Variants in PHKG1 observed in about 807,000 individuals in gnomAD.
PHKG1 encodes the protein phosphorylase b kinase gamma catalytic chain, skeletal muscle/heart isoform.
A neutral mutation model predicts 50.5 loss-of-function variants in PHKG1; 48 were observed. The ratio of observed to expected loss-of-function variants is 0.95; its 90% CI spans 0.75 to 1.21. The LOEUF (loss-of-function observed/expected upper bound fraction) is 1.21, where lower values mean the gene tolerates loss of function less well. PHKG1 is among the 50% of genes most tolerant of loss of function. The pLI is 0.00. For missense variants in PHKG1, 487 were observed against 519.5 expected, an observed-to-expected ratio of 0.94 and a Z score of 0.61; for synonymous variants, 204 against 212.8, an observed-to-expected ratio of 0.96 and a Z score of 0.36.
In PHKG1 at chr7:56,080,362, C is replaced by A. The variant is rs1795901719; in HGVS notation, c.*692G>T. On this transcript the variant is annotated 3_prime_UTR_variant, in exon 10 of 10. Transcript: ENST00000297373. ...CACTCTAGCCTTGAATTCCTGGGCC[C>A]AAGCAATTCTCCCACCTCAGCCTCC... 1 of 155,242 alleles carries A rather than the reference C, an allele frequency of 6.4e-6. No individual in the cohort carries two copies. The highest frequency in any genetic ancestry group is 1.4e-5 in the Non-Finnish European group (1 of 70,848). The allele number at this position is 155,242 out of a possible 1,614,324, so 9.6% of individuals were successfully genotyped here. A position where few individuals can be genotyped will look rare whatever the true frequency, so the allele number is the denominator to read the frequency against.
chr7:56,083,745 C>T lies in PHKG1; in HGVS notation c.318-30G>A, dbSNP rs781422773. ...GGAAACAGAGGGTTGATAGCTGGAT[C>T]GGTCCCAAGACCACCACTGCCCTTA... On this transcript the variant is annotated intron_variant, in intron 4 of 9. Coordinates refer to ENST00000297373, the MANE Select transcript of PHKG1 (RefSeq NM_006213.5). 1.1e-4 allele frequency: 164 copies of T among 1,485,686 alleles called. No homozygotes were observed. The Middle Eastern group carries it at 1.9e-3, about 17-fold the overall frequency. 92.0% of individuals were successfully genotyped at this position (1,485,686 alleles called of 1,614,324 possible). A position where few individuals can be genotyped will look rare whatever the true frequency, so the allele number is the denominator to read the frequency against.
chr7:56,086,843 A>G, intron 4 of PHKG1, 127 bp downstream of exon 4: 1 of 788,974 alleles, frequency 1.3e-6, no homozygotes, highest in Non-Finnish European at 2.3e-6. Context: ...CTGTCTAAAC[A>G]CCGTGATTGT....
chr7:56,083,373 A>G lies in PHKG1; in HGVS notation c.452T>C (p.Leu151Pro), dbSNP rs1796110049. 3 of 1,614,042 alleles carry G rather than the reference A, an allele frequency of 1.9e-6. No homozygotes were observed. The highest frequency in any genetic ancestry group is 2.5e-6 in the Non-Finnish European group (3 of 1,180,028). ...ATCCAAGAGAATGTTCTCGGGCTTC[A>G]GGTCCCGGTGCACGATGTTGAGTTT... ...LHKLNIVHRDLKPENILLDDN... is the reference protein window; with the variant it reads ...LHKLNIVHRDPKPENILLDDN... The change falls in exon 6 of 10, where the codon CTG becomes CCG. Residue 151 changes from leucine to proline, a missense_variant. By Grantham distance (98) the Leu-to-Pro change is moderately conservative. Coordinates refer to ENST00000297373, the MANE Select transcript of PHKG1 (RefSeq NM_006213.5).
chr7:56,086,311 C>G (rs921859935), intron 4 of PHKG1, among the ~76,000 whole-genome samples: 2 of 151,932 alleles, frequency 1.3e-5, no homozygotes, highest in African/African-American at 4.8e-5. Context: ...TATGTACATA[C>G]CTAAGATGAA....
chr7:56,085,398 CATG>C (rs1357704074), intron 4 of PHKG1, among the ~76,000 whole-genome samples: 3 of 152,168 alleles, frequency 2.0e-5, no homozygotes, highest in Non-Finnish European at 4.4e-5. Flanking sequence ...GTGCCTGGCC[CATG>C]ATAAGTCTGG....
rs1177526183 is a variant in PHKG1 at position 56,081,922 on chromosome 7, C to A, written c.763G>T (p.Asp255Tyr). ...GNYQFGSPEWDDYSDTVKDLV... is the reference protein window; with the variant it reads ...GNYQFGSPEWYDYSDTVKDLV... ...TCCTTCACGGTGTCCGAGTAATCATCCCACTCGGGCGAGCCAAACTGGTAG... is the reference window on the plus strand; with the variant it reads ...TCCTTCACGGTGTCCGAGTAATCATACCACTCGGGCGAGCCAAACTGGTAG... The change falls in exon 8 of 10, where the codon GAT (aspartate) becomes TAT (tyrosine). Residue 255 changes from aspartate to tyrosine, a missense_variant. Physicochemically the swap from Asp to Tyr is radical, Grantham distance 160 (BLOSUM62 -3). Coordinates refer to ENST00000297373, the MANE Select transcript of PHKG1 (RefSeq NM_006213.5). This position sits in a 1 kb window ranked among gnomAD's most constrained non-coding sequence, Gnocchi z 4.6. The A allele has an allele frequency of 1.2e-6, 2 of 1,613,656 alleles. No individual in the cohort carries two copies. The highest frequency in any genetic ancestry group is 1.7e-6 in the Non-Finnish European group (2 of 1,179,980).
chr7:56,087,898 C>G, intron 2 of PHKG1, 122 bp from the exon 3 acceptor site: 1 of 752,558 alleles, frequency 1.3e-6, no homozygotes, highest in African/African-American at 1.7e-5. Context: ...CCAACTTCCT[C>G]TGAGCTTTTG....
rs1477842509 is a variant in PHKG1, at chr7:56,082,189, G to C, written c.612C>G (p.His204Gln). 2 of 1,613,980 alleles carry C rather than the reference G, an allele frequency of 1.2e-6. No individual in the cohort carries two copies. The highest frequency in any genetic ancestry group is 1.7e-6 in the Non-Finnish European group (2 of 1,180,004). ...TGTCCACCTCTTTCCCGTAGCCCGG[G>C]TGGTCCTCATTCATGGAGCACTCGA... ...EIIECSMNED[H>Q]PGYGKEVDMW... Residue 204 changes from histidine (H) to glutamine (Q), a missense_variant, in exon 7 of 10, where the codon CAC becomes CAG. Transcript: ENST00000297373.
In PHKG1 at chr7:56,081,060, G is replaced by C. The variant is rs760862823; in HGVS notation, c.1158C>G (p.Asp386Glu). 8 of 1,612,126 alleles carry C rather than the reference G, an allele frequency of 5.0e-6. No homozygotes were observed. The South Asian group carries it at 8.8e-5, about 18-fold the overall frequency. ...TCCCTGACTGGCCAGCCCCTCAGTAGTCCTCCTCGGCCAGGGAGAGGAGCA... is the reference window on the plus strand; with the variant it reads ...TCCCTGACTGGCCAGCCCCTCAGTACTCCTCCTCGGCCAGGGAGAGGAGCA... ...KAVLLSLAEEDY is the reference protein window; with the variant it reads ...KAVLLSLAEEEY The change falls in exon 10 of 10, where the codon GAC becomes GAG. Residue 386 changes from aspartate to glutamate, a missense_variant. Physicochemically the swap from Asp to Glu is conservative, Grantham distance 45. Coordinates refer to ENST00000297373, the MANE Select transcript of PHKG1 (RefSeq NM_006213.5). This position sits in a 1 kb window ranked among gnomAD's most constrained non-coding sequence, Gnocchi z 4.6.
chr7:56,087,619 C>T lies in PHKG1; in HGVS notation c.241G>A (p.Val81Ile), dbSNP rs762024241. ...TLKEVDILRKVSGHPNIIQLK... is the reference protein window; with the variant it reads ...TLKEVDILRKISGHPNIIQLK... ...TCACTGATGTTGGGGTGCCCTGAGA[C>T]CTTGCGCAGGATGTCCACCTCCTTC... Residue 81 changes from valine (V) to isoleucine (I), a missense_variant, in exon 3 of 10, where the codon GTC (valine) becomes ATC (isoleucine). Val to Ile is a conservative substitution (Grantham distance 29). Transcript: ENST00000297373. 2.5e-6 allele frequency: 4 copies of T among 1,613,798 alleles called. No individual in the cohort carries two copies. Among genetic ancestry groups the T allele is most frequent in the South Asian group, 2.2e-5 (2 of 91,078 alleles).
At chr7:56,089,366 C>T (rs1796398271) in intron 1 of PHKG1, among the ~76,000 whole-genome samples, 2 of 151,608 alleles carry the variant, frequency 1.3e-5, no homozygotes, top group African/African-American at 2.4e-5. Context: ...CATCACTGCC[C>T]TCCAGCCTGG....
intron 4 of PHKG1, among the ~76,000 whole-genome samples, chr7:56,085,464 A>T (rs1030901052): frequency 6.6e-6 from 1 of 152,190 alleles, no homozygotes; most frequent in African/African-American, 2.4e-5. Flanking sequence ...GCTTAGAAAT[A>T]AGGGGCTCAT....
Position 56,088,901 on chromosome 7 carries a change from T to G in PHKG1, c.41A>C (p.Gln14Pro). 6.2e-7 allele frequency: 1 copy of G among 1,613,890 alleles called. No homozygotes were observed. Among genetic ancestry groups the G allele is most frequent in the Non-Finnish European group, 8.5e-7 (1 of 1,179,886 alleles). Reference sequence around the variant, plus strand: ...GGGCTCATAATTCTCATAGAAGTCCTGTGCAGAATGAGAGTCCGGCAGTGC... The same window carrying G: ...GGGCTCATAATTCTCATAGAAGTCCGGTGCAGAATGAGAGTCCGGCAGTGC... ...DEALPDSHSA[Q>P]DFYENYEPKE... The change falls in exon 2 of 10, where the codon CAG becomes CCG. Residue 14 changes from glutamine (Q) to proline (P), a missense_variant. Gln to Pro is a moderately conservative substitution (Grantham distance 76, BLOSUM62 -1). Transcript: ENST00000297373.
In PHKG1 at chr7:56,080,682, C is replaced by T. The variant is rs1463594225; in HGVS notation, c.*372G>A. On this transcript the variant is annotated 3_prime_UTR_variant, in exon 10 of 10. Transcript: ENST00000297373. ...AATTGTGTATCTCAGACATTTGTGT[C>T]TTTGATCCTCACCCTGTGACCCTAA... 1 of 268,590 alleles carries T rather than the reference C, an allele frequency of 3.7e-6. No individual in the cohort carries two copies. The highest frequency in any genetic ancestry group is 2.2e-5 in the African/African-American group (1 of 45,456). The allele number at this position is 268,590 out of a possible 1,614,324, so 16.6% of individuals were successfully genotyped here.
chr7:56,086,925 C>CG, intron 4 of PHKG1, 45 bp downstream of exon 4: 1 of 1,495,282 alleles, frequency 6.7e-7, no homozygotes, highest in Non-Finnish European at 9.3e-7. Context: ...GGACAGCAGT[C>CG]GGAGGTTCTC....
Position 56,081,336 on chromosome 7 carries a change from C to T in PHKG1, c.919-37G>A, listed in dbSNP as rs765959837. On this transcript the variant is annotated intron_variant, in intron 9 of 9. Transcript: ENST00000297373. The surrounding 1 kb of genome is among the most constrained non-coding windows in gnomAD (Gnocchi z 4.6). Reference sequence around the variant, plus strand: ...GGCGGAGAAGCTGGGCTGCAGCCCCCGCCCTGCCAGGCCCTGCCCCTCCAG... The same window carrying T: ...GGCGGAGAAGCTGGGCTGCAGCCCCTGCCCTGCCAGGCCCTGCCCCTCCAG... 8.4e-5 allele frequency: 132 copies of T among 1,573,838 alleles called. No homozygotes were observed. The highest frequency in any genetic ancestry group is 9.9e-5 in the Non-Finnish European group (116 of 1,166,774).
intron 1 of PHKG1, among the ~76,000 whole-genome samples, chr7:56,090,244 T>G (rs528447508): frequency 6.6e-6 from 1 of 152,128 alleles, no homozygotes; most frequent in East Asian, 1.9e-4. Flanking sequence ...GCCTCCAGAA[T>G]AGCTGGGATT....
Position 56,081,246 on chromosome 7 carries a change from C to T in PHKG1, c.972G>A (p.Arg324=), listed in dbSNP as rs762902976. Residue 324 remains arginine (R), a synonymous_variant, in exon 10 of 10, where the codon CGG becomes CGA. Transcript: ENST00000297373. This position sits in a 1 kb window ranked among gnomAD's most constrained non-coding sequence, Gnocchi z 4.6. ...CGATCTCCCGGGTCACAGGCTTCAC[C>T]CGGCGGTACTGGTAGTAGATCCGCA... ...ASVRIYYQYR[R]VKPVTREIVI... is the part of the protein sequence containing the mutation. The T allele has an allele frequency of 6.2e-7, 1 of 1,613,352 alleles. No homozygotes were observed. The highest frequency in any genetic ancestry group is 1.1e-5 in the South Asian group (1 of 91,080).
At chr7:56,086,211 C>T (rs1232302661) in intron 4 of PHKG1, among the ~76,000 whole-genome samples, 1 of 151,868 alleles carries the variant, frequency 6.6e-6, no homozygotes, top group Non-Finnish European at 1.5e-5. Context: ...AGTCATCCCT[C>T]TTTATCTGCA....
Sources: allele counts gnomAD v4.1 joint callset (sites outside exome capture counted in the v4.1 genomes callset), GRCh38; gene constraint gnomAD v4.1.1; non-coding constraint Gnocchi (gnomAD v3.1); transcripts MANE v1.5; gene names NCBI Gene and HGNC (gene_info 2026-07-23, HGNC 2026-07-21).